Variants in LRBA observed in about 807,000 individuals in gnomAD.
LRBA encodes LPS responsive beige-like anchor protein.
Under a neutral mutation model 330.0 loss-of-function variants are expected in LRBA, and 176 were observed. That is an observed-to-expected ratio of 0.53 (90% CI 0.47 to 0.60). The LOEUF (loss-of-function observed/expected upper bound fraction) is 0.60. Ranked by LOEUF, LRBA falls within the 20% of genes least tolerant of loss-of-function variation. The pLI is 0.00. For missense variants in LRBA, 3,259 were observed against 3,444.8 expected (o/e 0.95, Z 1.35); for synonymous variants, 1,230 against 1,193.0 (o/e 1.03, Z -0.64).
At chr4:150,481,950 G>A (rs1183494205) in intron 42 of LRBA, among the ~76,000 whole-genome samples, 2 of 152,096 alleles carry the variant, frequency 1.3e-5, no homozygotes, top group South Asian at 4.2e-4. Context: ...GCCTAAGAGT[G>A]GAATTAGTAT....
intron 37 of LRBA, among the ~76,000 whole-genome samples, chr4:150,604,482 T>C (rs761985287): frequency 2.9e-4 from 44 of 152,140 alleles, no homozygotes; most frequent in Non-Finnish European, 5.3e-4. Context: ...TGGCCAAATA[T>C]TCTAATAAAA....
intron 52 of LRBA, among the ~76,000 whole-genome samples, chr4:150,309,686 G>A (rs1730815166): frequency 6.6e-6 from 1 of 152,058 alleles, no homozygotes; most frequent in Non-Finnish European, 1.5e-5. Flanking sequence ...TATATAGACT[G>A]AAAATTTTTA....
chr4:150,797,316 C>T (rs1740930232), intron 34 of LRBA, among the ~76,000 whole-genome samples: 1 of 150,896 alleles, frequency 6.6e-6, no homozygotes, highest in South Asian at 2.1e-4. Flanking sequence ...GGGTCAAAAC[C>T]CTTGACCTCT....
chr4:150,991,720 T>C (rs1742106315), intron 2 of LRBA, among the ~76,000 whole-genome samples: 1 of 152,156 alleles, frequency 6.6e-6, no homozygotes, highest in African/African-American at 2.4e-5. Context: ...GGGAAATATC[T>C]CATATACCAA....
intron 40 of LRBA, among the ~76,000 whole-genome samples, chr4:150,519,331 T>C (rs963611510): frequency 1.3e-5 from 2 of 152,128 alleles, no homozygotes; most frequent in Non-Finnish European, 2.9e-5. Context: ...TAATATAATA[T>C]TTCCATCATC....
chr4:150,970,948 C>G (rs1392294877), intron 2 of LRBA, among the ~76,000 whole-genome samples: 1 of 152,080 alleles, frequency 6.6e-6, no homozygotes, highest in East Asian at 1.9e-4. Flanking sequence ...GATACAGAAA[C>G]TAGGTCAGAA....
chr4:150,340,051 G>A (rs920920016), intron 48 of LRBA, among the ~76,000 whole-genome samples: 6 of 151,960 alleles, frequency 3.9e-5, no homozygotes, highest in South Asian at 2.1e-4. Context: ...ATCCTCCTTC[G>A]CTCAGCTCTC....
At chr4:150,827,819 C>T (rs1246667223) in intron 30 of LRBA, among the ~76,000 whole-genome samples, 1 of 151,884 alleles carries the variant, frequency 6.6e-6, no homozygotes, top group Non-Finnish European at 1.5e-5. Context: ...TCAGGCTGGT[C>T]TCGAACTCCT....
In LRBA at chr4:151,014,529, C is replaced by T. The variant is rs72721739; in HGVS notation, c.114G>A (p.Gly38=). Residue 38 remains glycine (G), a synonymous_variant, in exon 2 of 57, where the codon GGG becomes GGA. Coordinates refer to ENST00000651943, the MANE Select transcript of LRBA (RefSeq NM_001364905.1). ...TCATTCTGATGCCCCTGATGGGGAGCCCTGGTTTCAGAGACAATGCACCCC... is the reference window on the plus strand; with the variant it reads ...TCATTCTGATGCCCCTGATGGGGAGTCCTGGTTTCAGAGACAATGCACCCC... The part of the protein sequence containing the change: ...TEGGALSLKP[G]LPIRGIRMKF... 13 of 1,613,982 alleles carry T rather than the reference C, an allele frequency of 8.1e-6. No individual in the cohort carries two copies. In the African/African-American group the frequency reaches 1.6e-4, roughly 20 times the overall value.
At chr4:150,993,047 C>G (rs144851581) in intron 2 of LRBA, among the ~76,000 whole-genome samples, 10 of 152,034 alleles carry the variant, frequency 6.6e-5, no homozygotes, top group African/African-American at 1.4e-4. Flanking sequence ...TTTGGGAAGC[C>G]AAGGCAGGAG....
intron 36 of LRBA, among the ~76,000 whole-genome samples, chr4:150,733,952 ATCT>A (rs904657442): frequency 6.6e-5 from 10 of 152,132 alleles, no homozygotes; most frequent in African/African-American, 1.9e-4. Context: ...TTTGAAAGTA[ATCT>A]TCTTTCTTTC....
intron 44 of LRBA, among the ~76,000 whole-genome samples, chr4:150,440,613 A>G (rs2152003295): frequency 6.6e-6 from 1 of 152,142 alleles, no homozygotes; most frequent in Non-Finnish European, 1.5e-5. Flanking sequence ...CTGTCTCTAT[A>G]AAAATCAGAA....
In LRBA at chr4:151,014,710, A is replaced by C; in HGVS notation, c.-68T>G. On this transcript the variant is annotated 5_prime_UTR_variant, in exon 2 of 57. Transcript: ENST00000651943. ...GGCAGTCGCTGCACTGGTAATGAGC[A>C]CAACACACGCAATGCAAAACGAAAG... The C allele has an allele frequency of 1.9e-6, 2 of 1,030,886 alleles. No individual in the cohort carries two copies. The highest frequency in any genetic ancestry group is 3.1e-5 in the South Asian group (2 of 64,702). The allele number at this position is 1,030,886 out of a possible 1,614,324, so 63.9% of individuals were successfully genotyped here.
In LRBA at chr4:150,505,547, G is replaced by A. The variant is rs143949258; in HGVS notation, c.6331-14512C>T. ...TTGACACCAATGAGAACAAAGACAC[G>A]ACATACCAGAATCTCTAGGACACAT... On this transcript the variant is annotated intron_variant, in intron 40 of 56. Transcript: ENST00000651943. Among the ~76,000 whole-genome samples the A allele has an allele frequency of 3.6e-3, 547 of 152,158 alleles. 5 individuals are homozygous for A. The highest frequency in any genetic ancestry group is 6.1e-3 in the Non-Finnish European group (418 of 67,990).
intron 28 of LRBA, among the ~76,000 whole-genome samples, chr4:150,843,728 T>C (rs1749437432): frequency 6.6e-6 from 1 of 152,204 alleles, no homozygotes; most frequent in Admixed American, 6.5e-5. Flanking sequence ...TCATTGTTTA[T>C]CAACACTAGC....
At chr4:150,526,317 C>T (rs1763469268) in intron 40 of LRBA, among the ~76,000 whole-genome samples, 1 of 152,162 alleles carries the variant, frequency 6.6e-6, no homozygotes, top group Non-Finnish European at 1.5e-5. Context: ...CTCCCTTGCC[C>T]TATGGCAGAC....
intron 37 of LRBA, among the ~76,000 whole-genome samples, chr4:150,677,569 T>C (rs1782664762): frequency 6.6e-6 from 1 of 152,208 alleles, no homozygotes; most frequent in Admixed American, 6.5e-5. Flanking sequence ...AAAGCACATA[T>C]TCAATTTTGA....
chr4:150,283,671 T>C (rs1447824772), intron 54 of LRBA, among the ~76,000 whole-genome samples: 2 of 152,198 alleles, frequency 1.3e-5, no homozygotes, highest in Non-Finnish European at 2.9e-5. Context: ...TTTACACAGT[T>C]CCAGCATGCA....
intron 37 of LRBA, among the ~76,000 whole-genome samples, chr4:150,679,070 T>C (rs1782826885): frequency 6.6e-6 from 1 of 152,154 alleles, no homozygotes; most frequent in Non-Finnish European, 1.5e-5. Flanking sequence ...AGAAAATACG[T>C]CAAGATGAGT....
Sources: allele counts gnomAD v4.1 joint callset (sites outside exome capture counted in the v4.1 genomes callset), GRCh38; gene constraint gnomAD v4.1.1; transcripts MANE v1.5; gene names NCBI Gene and HGNC (gene_info 2026-07-23, HGNC 2026-07-21).